ZNF100: variants seen among roughly 807,000 people sequenced by gnomAD.
ZNF100 encodes the protein zinc finger protein 100 (Y1).
A neutral mutation model predicts 15.8 loss-of-function variants in ZNF100; 12 were observed. That is an observed-to-expected ratio of 0.76 (90% CI 0.49 to 1.23). The LOEUF (loss-of-function observed/expected upper bound fraction) is 1.23, where lower values mean the gene tolerates loss of function less well. ZNF100 is among the 50% of genes most tolerant of loss of function. ZNF100 has a pLI of 0.00. For missense variants in ZNF100, 670 were observed against 635.6 expected (o/e 1.05, Z -0.58); for synonymous variants, 226 against 214.8 (o/e 1.05, Z -0.45).
intron 2 of ZNF100, among the ~76,000 whole-genome samples, chr19:21,754,907 T>G (rs1198051344): frequency 1.3e-5 from 2 of 152,190 alleles, no homozygotes; most frequent in African/African-American, 4.8e-5. Flanking sequence ...GACAAAGGTC[T>G]AATATCCAGA....
At position 21,725,867 on chromosome 19, in the gene ZNF100, TAC is replaced by T. The variant is rs1275894057; in HGVS notation, c.*814_*815del. The T allele has an allele frequency of 3.5e-5, 5 of 141,274 alleles. No homozygotes were observed. Among genetic ancestry groups the T allele is most frequent in the African/African-American group, 8.7e-5 (3 of 34,304 alleles). The allele number at this position is 141,274 out of a possible 1,614,324, so 8.8% of individuals were successfully genotyped here. A position where few individuals can be genotyped will look rare whatever the true frequency, so the allele number is the denominator to read the frequency against. On this transcript the variant is annotated 3_prime_UTR_variant, in exon 5 of 5. Coordinates refer to ENST00000358296, the MANE Select transcript of ZNF100 (RefSeq NM_173531.4). The stretch of plus-strand genomic sequence containing the variant: ...TTTCTACTGTAAATTCTCTGATATT[TAC>T]AGACTTAATGATTAAAATTTTTAAA...
At chr19:21,756,693 C>T (rs2036397744) in intron 2 of ZNF100, among the ~76,000 whole-genome samples, 1 of 152,128 alleles carries the variant, frequency 6.6e-6, no homozygotes, top group African/African-American at 2.4e-5. Flanking sequence ...AATGCTATTC[C>T]TATCAAACTA....
rs1338082259 is a variant in ZNF100, at chr19:21,725,139, T to C, written c.*1544A>G. On this transcript the variant is annotated 3_prime_UTR_variant, in exon 5 of 5. Transcript: ENST00000358296. ...CAGTCAAAGCCACTAGCAAAAGAGA[T>C]TACTAGAGATGTTAATCCATTATGT... 2 of 152,016 alleles carry C rather than the reference T, an allele frequency of 1.3e-5. No homozygotes were observed. The highest frequency in any genetic ancestry group is 2.9e-5 in the Non-Finnish European group (2 of 67,984). 9.4% of individuals were successfully genotyped at this position (152,016 alleles called of 1,614,324 possible).
chr19:21,750,827 C>A, intron 2 of ZNF100: 2 of 447,066 alleles, frequency 4.5e-6, no homozygotes. Context: ...AGCCCCGGCC[C>A]AGAGGAGCAG....
At chr19:21,762,167 G>A (rs1166933742) in intron 2 of ZNF100, among the ~76,000 whole-genome samples, 2 of 151,884 alleles carry the variant, frequency 1.3e-5, no homozygotes, top group Non-Finnish European at 2.9e-5. Context: ...AACAAAGCAA[G>A]ACTATGCCTC....
chr19:21,746,550 A>G (rs2036214981), intron 2 of ZNF100, among the ~76,000 whole-genome samples: 1 of 152,172 alleles, frequency 6.6e-6, no homozygotes, highest in Non-Finnish European at 1.5e-5. Flanking sequence ...AACAGCCACA[A>G]TGGGAACATT....
chr19:21,725,984 T>A lies in ZNF100; in HGVS notation c.*699A>T, dbSNP rs1436639914. The A allele has an allele frequency of 1.1e-5, 1 of 90,444 alleles. No individual in the cohort carries two copies. Among genetic ancestry groups the A allele is most frequent in the Non-Finnish European group, 2.7e-5 (1 of 36,862 alleles). The allele number at this position is 90,444 out of a possible 1,614,324, so 5.6% of individuals were successfully genotyped here. Reference sequence around the variant, plus strand: ...GTTTTTGAAAAAGTATTTTTCCAACTTTATTACATTCGCACAGTTTTTTTC... The same window carrying A: ...GTTTTTGAAAAAGTATTTTTCCAACATTATTACATTCGCACAGTTTTTTTC... On this transcript the variant is annotated 3_prime_UTR_variant, in exon 5 of 5. Transcript: ENST00000358296.
At chr19:21,765,922 C>A in intron 1 of ZNF100, 136 bp from the exon 2 acceptor site, 1 of 760,548 alleles carries the variant, frequency 1.3e-6, no homozygotes, top group Middle Eastern at 2.4e-4. Flanking sequence ...GCTGAGGACA[C>A]ATCACCCCAT....
intron 2 of ZNF100, among the ~76,000 whole-genome samples, chr19:21,754,714 T>C (rs1377476012): frequency 1.3e-5 from 2 of 152,054 alleles, no homozygotes; most frequent in East Asian, 3.9e-4. Context: ...ACCTAGGCAA[T>C]ACCATTCAGG....
chr19:21,743,421 A>C (rs1398406316), intron 4 of ZNF100, among the ~76,000 whole-genome samples: 1 of 152,216 alleles, frequency 6.6e-6, no homozygotes, highest in Non-Finnish European at 1.5e-5. Flanking sequence ...TAAAAAATAC[A>C]ATTCTAAAAT....
chr19:21,751,648 G>T, intron 2 of ZNF100: 1 of 1,445,612 alleles, frequency 6.9e-7, no homozygotes, highest in Non-Finnish European at 9.6e-7. Context: ...TTGAGGACAT[G>T]AATGAAATGG....
chr19:21,753,142 T>A (rs1413731275), intron 2 of ZNF100: 2 of 152,186 alleles, frequency 1.3e-5, no homozygotes, highest in Non-Finnish European at 2.9e-5. Flanking sequence ...TTCCAGCTAC[T>A]TGGGTGGCTG....
intron 4 of ZNF100, among the ~76,000 whole-genome samples, chr19:21,735,111 G>C (rs1211589669): frequency 1.3e-5 from 2 of 152,112 alleles, no homozygotes; most frequent in African/African-American, 2.4e-5. Flanking sequence ...GAAGTACAAA[G>C]ACCAATGACA....
rs1464202662 is a variant in ZNF100, at chr19:21,729,397, C to T, written c.323-1408G>A. On this transcript the variant is annotated intron_variant, in intron 4 of 4. Coordinates refer to ENST00000358296, the MANE Select transcript of ZNF100 (RefSeq NM_173531.4). Reference sequence around the variant, plus strand: ...TGAAAATAACATGATTCAACAAAAACAACACAGTCAAATAAAAATACATTA... The same window carrying T: ...TGAAAATAACATGATTCAACAAAAATAACACAGTCAAATAAAAATACATTA... Among the ~76,000 whole-genome samples, 6 of 138,356 alleles carry T rather than the reference C, an allele frequency of 4.3e-5. No homozygotes were observed. In the East Asian group the frequency reaches 1.1e-3, roughly 26 times the overall value. The allele number at this position is 138,356 out of a possible 152,430, so 90.8% of individuals were successfully genotyped here.
At position 21,724,330 on chromosome 19, in the gene ZNF100, T is replaced by C. The variant is rs1235631198; in HGVS notation, c.*2353A>G. 1.3e-5 allele frequency: 2 copies of C among 152,206 alleles called. No individual in the cohort carries two copies. The highest frequency in any genetic ancestry group is 2.9e-5 in the Non-Finnish European group (2 of 68,026). The allele number at this position is 152,206 out of a possible 1,614,324, so 9.4% of individuals were successfully genotyped here. On this transcript the variant is annotated 3_prime_UTR_variant, in exon 5 of 5. Transcript: ENST00000358296. The stretch of plus-strand genomic sequence containing the variant: ...TCATACACACAAACTCACTCTATAA[T>C]TTTCTTACACTTAAGGTTTATCTTT...
intron 2 of ZNF100, among the ~76,000 whole-genome samples, chr19:21,750,182 C>T (rs1380826811): frequency 6.6e-6 from 1 of 152,180 alleles, no homozygotes; most frequent in Non-Finnish European, 1.5e-5. Context: ...AGACCAATAA[C>T]AAGTGCCAAA....
intron 4 of ZNF100, among the ~76,000 whole-genome samples, chr19:21,739,834 T>G (rs4338909): frequency 0.52 from 78,401 of 150,736 alleles, 20,966 homozygotes; most frequent in East Asian, 0.65. Flanking sequence ...ATAAATAAAA[T>G]AAAATAAAAT....
intron 2 of ZNF100, chr19:21,752,345 A>G (rs1367250945): frequency 6.6e-6 from 1 of 152,626 alleles, no homozygotes; most frequent in Non-Finnish European, 1.5e-5. Context: ...GAATCAATGC[A>G]GTATTGCCCT....
intron 2 of ZNF100, among the ~76,000 whole-genome samples, 171 bp from the exon 3 acceptor site, chr19:21,745,238 A>C (rs1242169582): frequency 6.6e-6 from 1 of 152,246 alleles, no homozygotes; most frequent in Non-Finnish European, 1.5e-5. Flanking sequence ...AATATTCTCT[A>C]ATTCTGAGAG....
Sources: gnomAD v4.1 joint callset for allele counts (sites outside exome capture counted in the v4.1 genomes callset) on GRCh38, gnomAD v4.1.1 for gene constraint, MANE v1.5 for transcripts, NCBI Gene and HGNC (gene_info 2026-07-23, HGNC 2026-07-21) for gene names.